The following PLCE1 variants were observed in gnomAD, a reference collection of about 807,000 sequenced individuals.
PLCE1 encodes phospholipase C epsilon 1.
PLCE1 carries 119 observed loss-of-function variants against 242.8 expected under a neutral mutation model. The observed-to-expected ratio is 0.49, with a 90% confidence interval of 0.42 to 0.57. The LOEUF (loss-of-function observed/expected upper bound fraction) is 0.57. PLCE1 is among the 20% of genes least tolerant of loss of function. The probability of loss-of-function intolerance (pLI) is 0.00; values close to 1 mark genes in which losing one functional copy is unlikely to be tolerated. For missense variants in PLCE1, 2,441 were observed against 2,788.8 expected (o/e 0.88, Z 2.81); for synonymous variants, 945 against 1,017.4 (o/e 0.93, Z 1.35).
chr10:94,251,404 T>A (rs2050869618), intron 8 of PLCE1, among the ~76,000 whole-genome samples: 1 of 152,176 alleles, frequency 6.6e-6, no homozygotes, highest in Non-Finnish European at 1.5e-5. Flanking sequence ...CAAAGCAAAA[T>A]CTATCCATAA....
intron 18 of PLCE1, 152 bp downstream of exon 18, chr10:94,270,754 C>T: frequency 2.8e-6 from 2 of 720,320 alleles, no homozygotes; most frequent in Non-Finnish European, 2.5e-6. Context: ...ACTGCAACCT[C>T]TGCCTCTGAG....
chr10:94,215,013 C>T (rs921171657), intron 4 of PLCE1, among the ~76,000 whole-genome samples: 14 of 152,204 alleles, frequency 9.2e-5, no homozygotes, highest in Admixed American at 5.9e-4. Flanking sequence ...ACCCACCACA[C>T]TCTCACCCTC....
intron 8 of PLCE1, among the ~76,000 whole-genome samples, chr10:94,251,439 G>C (rs912702894): frequency 2.0e-5 from 3 of 152,210 alleles, no homozygotes; most frequent in Non-Finnish European, 4.4e-5. Context: ...CTGCAAAGGA[G>C]AGCCAGCCTG....
intron 2 of PLCE1, among the ~76,000 whole-genome samples, chr10:94,064,876 C>A (rs530744061): frequency 1.3e-5 from 2 of 152,186 alleles, no homozygotes; most frequent in East Asian, 3.9e-4. Context: ...CTGGCAGAGC[C>A]CTGAGCAATA....
chr10:94,209,117 T>C (rs2049255437), intron 4 of PLCE1, among the ~76,000 whole-genome samples: 1 of 152,218 alleles, frequency 6.6e-6, no homozygotes, highest in Admixed American at 6.5e-5. Context: ...GAGTTCTGTG[T>C]AAGGTTGTAT....
At position 94,331,755 on chromosome 10, in the gene PLCE1, T is replaced by C. The variant is rs567971426; in HGVS notation, c.*3812T>C. 2 of 152,318 alleles carry C rather than the reference T, an allele frequency of 1.3e-5. No individual in the cohort carries two copies. Among genetic ancestry groups the C allele is most frequent in the East Asian group, 3.9e-4 (2 of 5,184 alleles). 9.4% of individuals were successfully genotyped at this position (152,318 alleles called of 1,614,324 possible). On this transcript the variant is annotated 3_prime_UTR_variant, in exon 33 of 33. Coordinates refer to ENST00000371380, the MANE Select transcript of PLCE1 (RefSeq NM_016341.4). Reference sequence around the variant, plus strand: ...ATTTATGTGTTCTCTGCCATCCTTATGTAGCAGCTTCCTAAAAGCAATCCT... The same window carrying C: ...ATTTATGTGTTCTCTGCCATCCTTACGTAGCAGCTTCCTAAAAGCAATCCT...
intron 3 of PLCE1, among the ~76,000 whole-genome samples, chr10:94,162,651 T>G (rs1308803219): frequency 6.6e-6 from 1 of 152,170 alleles, no homozygotes; most frequent in Non-Finnish European, 1.5e-5. Context: ...GTGTCTCTAT[T>G]TCCTTCAGTT....
In PLCE1 at chr10:94,273,606, T is replaced by A. The variant is rs745917583; in HGVS notation, c.4551T>A (p.Thr1517=). ...TGGTGACTAAATTCTTATTTGAGAC[T>A]GATTTCTCAGATGATCCAATGCTTC... ...EKLVTKFLFE[T]DFSDDPMLPS... is the part of the protein sequence containing the mutation. The change falls in exon 19 of 33, where the codon ACT becomes ACA. Residue 1517 remains threonine (T), a synonymous_variant. Coordinates refer to ENST00000371380, the MANE Select transcript of PLCE1 (RefSeq NM_016341.4). 1.2e-5 allele frequency: 19 copies of A among 1,613,628 alleles called. No homozygotes were observed. The highest frequency in any genetic ancestry group is 1.6e-5 in the Non-Finnish European group (19 of 1,179,562).
chr10:94,274,410 A>G (rs2051869686), intron 19 of PLCE1, among the ~76,000 whole-genome samples: 2 of 152,226 alleles, frequency 1.3e-5, no homozygotes, highest in African/African-American at 4.8e-5. Flanking sequence ...GAGTACAGGC[A>G]CACAGATGCT....
chr10:94,093,934 C>CTTTTTTTTTTTTTT (rs398046178), intron 2 of PLCE1, among the ~76,000 whole-genome samples: 1 of 79,192 alleles, frequency 1.3e-5, no homozygotes, highest in African/African-American at 5.5e-5. Context: ...ATCGGTATTT[C>CTTTTTTTTTTTTTT]TTTTTTTTTT....
intron 2 of PLCE1, among the ~76,000 whole-genome samples, chr10:94,039,436 C>A (rs2134610328): frequency 6.6e-6 from 1 of 151,582 alleles, no homozygotes; most frequent in Admixed American, 6.6e-5. Context: ...GGCTGGAGTG[C>A]AGTGGCACAA....
chr10:94,085,162 A>G (rs1469426604), intron 2 of PLCE1, among the ~76,000 whole-genome samples: 3 of 152,010 alleles, frequency 2.0e-5, no homozygotes, highest in East Asian at 1.9e-4. Flanking sequence ...TGGGGGTACT[A>G]TTATTGTATT....
Position 94,324,147 on chromosome 10 carries a change from T to C in PLCE1, c.6502-202T>C, listed in dbSNP as rs532164734. ...ATAATAACACCTAATTCATAGACTG[T>C]TGCAAAGCTAAATGAGGTAACGTGG... On this transcript the variant is annotated intron_variant, in intron 30 of 32. Coordinates refer to ENST00000371380, the MANE Select transcript of PLCE1 (RefSeq NM_016341.4). Among the ~76,000 whole-genome samples, 21 of 152,336 alleles carry C rather than the reference T, an allele frequency of 1.4e-4. No individual in the cohort carries two copies. In the South Asian group the frequency reaches 4.4e-3, roughly 32 times the overall value.
At chr10:94,286,055 A>G (rs1254220667) in intron 22 of PLCE1, among the ~76,000 whole-genome samples, 1 of 152,190 alleles carries the variant, frequency 6.6e-6, no homozygotes, top group Non-Finnish European at 1.5e-5. Flanking sequence ...GGTAGAAGAC[A>G]AACAAGAAAG....
chr10:94,326,013 A>C (rs2054003096), intron 32 of PLCE1, among the ~76,000 whole-genome samples: 1 of 152,174 alleles, frequency 6.6e-6, no homozygotes, highest in Non-Finnish European at 1.5e-5. Flanking sequence ...ATTTCATTCT[A>C]TCTTAAAGCA....
intron 2 of PLCE1, among the ~76,000 whole-genome samples, chr10:94,085,342 G>A (rs962072892): frequency 6.6e-6 from 1 of 152,140 alleles, no homozygotes; most frequent in African/African-American, 2.4e-5. Context: ...AGACAAGGAG[G>A]AGGAGGGGAG....
At chr10:94,126,701 T>C (rs1394836600) in intron 2 of PLCE1, among the ~76,000 whole-genome samples, 1 of 152,248 alleles carries the variant, frequency 6.6e-6, no homozygotes, top group African/African-American at 2.4e-5. Context: ...ATATTAACCT[T>C]GAGTTTCTCT....
At chr10:94,327,350 T>C (rs2054062631) in intron 32 of PLCE1, among the ~76,000 whole-genome samples, 1 of 151,952 alleles carries the variant, frequency 6.6e-6, no homozygotes, top group Non-Finnish European at 1.5e-5. Flanking sequence ...ATCCCAGCAC[T>C]GTGGGAGGCC....
chr10:94,031,886 T>C lies in PLCE1; in HGVS notation c.840T>C (p.Asp280=), dbSNP rs761464628. The change falls in exon 2 of 33, where the codon GAT becomes GAC. Residue 280 remains aspartate (D), a synonymous_variant. Transcript: ENST00000371380. Reference sequence around the variant, plus strand: ...AGGTTGACATGGTATATTCAGGTGATAGCTTTTGTAGGAAAGACTTTACTG... The same window carrying C: ...AGGTTGACATGGTATATTCAGGTGACAGCTTTTGTAGGAAAGACTTTACTG... ...CEKVDMVYSG[D]SFCRKDFTDS... 14 of 1,613,934 alleles carry C rather than the reference T, an allele frequency of 8.7e-6. No individual in the cohort carries two copies. Among genetic ancestry groups the C allele is most frequent in the Non-Finnish European group, 1.2e-5 (14 of 1,179,882 alleles).
Sources: allele counts gnomAD v4.1 joint callset (sites outside exome capture counted in the v4.1 genomes callset), GRCh38; gene constraint gnomAD v4.1.1; transcripts MANE v1.5; gene names NCBI Gene and HGNC (gene_info 2026-07-23, HGNC 2026-07-21).